Variants in NKD1 observed in about 807,000 individuals in gnomAD.
NKD1 encodes NKD inhibitor of Wnt signaling pathway 1.
A neutral mutation model predicts 56.0 loss-of-function variants in NKD1; 21 were observed. The ratio of observed to expected loss-of-function variants is 0.38; its 90% CI spans 0.27 to 0.54. NKD1 has a LOEUF of 0.54. Among genes scored for constraint, NKD1 ranks in the 20% least tolerant of loss-of-function variants. The probability of loss-of-function intolerance (pLI) is 0.82; values close to 1 mark genes in which losing one functional copy is unlikely to be tolerated. For synonymous variants in NKD1, 263 were observed against 265.7 expected (o/e 0.99, Z 0.10); for missense variants, 578 against 642.7 (o/e 0.90, Z 1.09).
chr16:50,608,771 C>T (rs1961776101), intron 4 of NKD1, among the ~76,000 whole-genome samples: 1 of 152,200 alleles, frequency 6.6e-6, no homozygotes, highest in South Asian at 2.1e-4. Flanking sequence ...ATGTCACTCT[C>T]TTGGTGCATG....
At chr16:50,601,885 G>A (rs1961604097) in intron 3 of NKD1, among the ~76,000 whole-genome samples, 1 of 152,170 alleles carries the variant, frequency 6.6e-6, no homozygotes, top group Non-Finnish European at 1.5e-5. Flanking sequence ...CCCAGGCAAG[G>A]AGGGGCGGGT....
intron 3 of NKD1, among the ~76,000 whole-genome samples, chr16:50,550,384 G>A (rs2039279817): frequency 6.6e-6 from 1 of 151,436 alleles, no homozygotes; most frequent in Non-Finnish European, 1.5e-5. Context: ...CTTAGAGGGG[G>A]AATAGACTGA....
chr16:50,602,639 G>A (rs963377667), intron 3 of NKD1, among the ~76,000 whole-genome samples: 32 of 152,264 alleles, frequency 2.1e-4, no homozygotes, highest in African/African-American at 7.5e-4. Flanking sequence ...GGAAGTCACC[G>A]TGGCTGTCGT....
intron 3 of NKD1, chr16:50,553,601 C>A (rs902629478): frequency 6.6e-6 from 1 of 152,154 alleles, no homozygotes; most frequent in Non-Finnish European, 1.5e-5. Flanking sequence ...TTGAATGATA[C>A]CAGTTGGCAC....
At chr16:50,552,289 G>C (rs1004362823) in intron 3 of NKD1, 1 of 152,304 alleles carries the variant, frequency 6.6e-6, no homozygotes, top group Non-Finnish European at 1.5e-5. Context: ...CGCTGGTGTG[G>C]ACTGTGTGTT....
At position 50,598,594 on chromosome 16, in the gene NKD1, A is replaced by G. The variant is rs1381290500; in HGVS notation, c.193-9700A>G. Among the ~76,000 whole-genome samples the G allele has an allele frequency of 6.6e-6, 1 of 152,186 alleles. No individual in the cohort carries two copies. Among genetic ancestry groups the G allele is most frequent in the Non-Finnish European group, 1.5e-5 (1 of 68,034 alleles). ...CAGGTCACACGTGCTAGACCCTGGC[A>G]GCAGACCGGGGGCCTGTCCCAGGGC... On this transcript the variant is annotated intron_variant, in intron 3 of 9. Coordinates refer to ENST00000268459, the MANE Select transcript of NKD1 (RefSeq NM_033119.5). The surrounding 1 kb of genome is among the most constrained non-coding windows in gnomAD (Gnocchi z 4.2).
At chr16:50,597,303 C>A (rs895696255) in intron 3 of NKD1, among the ~76,000 whole-genome samples, 10 of 151,928 alleles carry the variant, frequency 6.6e-5, no homozygotes, top group Non-Finnish European at 1.2e-4. Flanking sequence ...CTGGGGAGGA[C>A]AGGTTTGGGG....
intron 6 of NKD1, among the ~76,000 whole-genome samples, chr16:50,628,222 C>G (rs187277334): frequency 6.6e-6 from 1 of 152,192 alleles, no homozygotes; most frequent in Non-Finnish European, 1.5e-5. Context: ...AACAGAAGAT[C>G]CTGGATTTCT....
chr16:50,583,006 G>A (rs1323377366), intron 3 of NKD1, among the ~76,000 whole-genome samples: 2 of 151,902 alleles, frequency 1.3e-5, no homozygotes, highest in South Asian at 2.1e-4. Context: ...ACTCCATCCC[G>A]GGAAAAAAAA....
chr16:50,624,379 A>T (rs1195006856), intron 5 of NKD1, among the ~76,000 whole-genome samples: 1 of 152,208 alleles, frequency 6.6e-6, no homozygotes, highest in African/African-American at 2.4e-5. Flanking sequence ...GTTGCTGAAA[A>T]TGATAATAAT....
intron 3 of NKD1, among the ~76,000 whole-genome samples, chr16:50,580,949 AG>A (rs1411948375): frequency 6.6e-6 from 1 of 152,214 alleles, no homozygotes; most frequent in Non-Finnish European, 1.5e-5. Context: ...TTTCTCTCAT[AG>A]GAAACAATTG....
At chr16:50,607,371 G>A (rs1961736481) in intron 3 of NKD1, 1 of 161,784 alleles carries the variant, frequency 6.2e-6, no homozygotes, top group African/African-American at 2.4e-5. Flanking sequence ...TAAGGAGAGG[G>A]TTGGGTTTTG....
At position 50,635,679 on chromosome 16, in the gene NKD1, G is replaced by A. The variant is rs1240590480; in HGVS notation, c.*1898G>A. ...CATGAGGCAGCTTGGTGGCAGCTCA[G>A]GAAGCATGTCTAAGGCTCAGAAGTT... On this transcript the variant is annotated 3_prime_UTR_variant, in exon 10 of 10. Transcript: ENST00000268459. This position sits in a 1 kb window ranked among gnomAD's most constrained non-coding sequence, Gnocchi z 4.1. The A allele has an allele frequency of 6.6e-6, 1 of 152,206 alleles. No individual in the cohort carries two copies. The highest frequency in any genetic ancestry group is 2.4e-5 in the African/African-American group (1 of 41,454). The allele number at this position is 152,206 out of a possible 1,614,324, so 9.4% of individuals were successfully genotyped here. A position where few individuals can be genotyped will look rare whatever the true frequency, so the allele number is the denominator to read the frequency against.
intron 3 of NKD1, chr16:50,551,955 C>T (rs866949478): frequency 2.0e-5 from 3 of 152,138 alleles, no homozygotes; most frequent in African/African-American, 4.8e-5. Flanking sequence ...TAGTTCATTT[C>T]CCTGATTCCC....
At chr16:50,552,885 C>T (rs921103066) in intron 3 of NKD1, among the ~76,000 whole-genome samples, 3 of 152,140 alleles carry the variant, frequency 2.0e-5, no homozygotes, top group Non-Finnish European at 4.4e-5. Flanking sequence ...CTTGGAGGGA[C>T]GCAGGCCAAG....
rs537255198 is a variant in NKD1 at position 50,642,198 on chromosome 16, T to C, written c.*8417T>C. 2 of 152,340 alleles carry C rather than the reference T, an allele frequency of 1.3e-5. No homozygotes were observed. Among genetic ancestry groups the C allele is most frequent in the South Asian group, 2.1e-4 (1 of 4,832 alleles). The allele number at this position is 152,340 out of a possible 1,614,324, so 9.4% of individuals were successfully genotyped here. A position where few individuals can be genotyped will look rare whatever the true frequency, so the allele number is the denominator to read the frequency against. ...AGGCAGGGGACGGGAACTCCCCGAG[T>C]GGCCACATGGGCAGTCTCAGTAGGA... is the stretch of plus-strand genomic sequence containing the variant. On this transcript the variant is annotated 3_prime_UTR_variant, in exon 10 of 10. Coordinates refer to ENST00000268459, the MANE Select transcript of NKD1 (RefSeq NM_033119.5).
intron 6 of NKD1, among the ~76,000 whole-genome samples, chr16:50,628,820 G>A (rs530294033): frequency 2.6e-5 from 4 of 152,154 alleles, no homozygotes; most frequent in Non-Finnish European, 4.4e-5. Flanking sequence ...TATTCCTCAC[G>A]GTTCTGGAGG....
intron 3 of NKD1, among the ~76,000 whole-genome samples, chr16:50,604,034 T>C (rs1255987559): frequency 6.6e-6 from 1 of 152,184 alleles, no homozygotes; most frequent in Non-Finnish European, 1.5e-5. Context: ...GATCAGAACT[T>C]GCAGCAGAGG....
intron 3 of NKD1, among the ~76,000 whole-genome samples, chr16:50,590,752 C>T (rs969384433): frequency 6.6e-6 from 1 of 152,234 alleles, no homozygotes; most frequent in Non-Finnish European, 1.5e-5. Flanking sequence ...CCCCACACCA[C>T]CTGGCAATGC....
Sources: gnomAD v4.1 joint callset for allele counts (sites outside exome capture counted in the v4.1 genomes callset) on GRCh38, gnomAD v4.1.1 for gene constraint, Gnocchi (gnomAD v3.1) non-coding constraint, MANE v1.5 for transcripts, NCBI Gene and HGNC (gene_info 2026-07-23, HGNC 2026-07-21) for gene names.